Variants in CRACD observed in about 807,000 individuals in gnomAD.
CRACD encodes capping protein inhibiting regulator of actin dynamics.
CRACD carries 56 observed loss-of-function variants against 106.8 expected under a neutral mutation model. That is an observed-to-expected ratio of 0.52 (90% CI 0.42 to 0.66). The LOEUF is 0.66. CRACD is among the 30% of genes least tolerant of loss of function. The pLI is 0.00. For synonymous variants in CRACD, 754 were observed against 670.8 expected (o/e 1.12, Z -1.92); for missense variants, 1,730 against 1,623.2 (o/e 1.07, Z -1.13).
intron 3 of CRACD, among the ~76,000 whole-genome samples, chr4:56,293,731 C>A (rs1377588781): frequency 1.3e-5 from 2 of 152,164 alleles, no homozygotes; most frequent in East Asian, 3.8e-4. Flanking sequence ...AGAACTCACT[C>A]ACTACCATGA....
intron 1 of CRACD, among the ~76,000 whole-genome samples, chr4:56,177,497 C>A (rs1198970960): frequency 6.6e-6 from 1 of 151,742 alleles, no homozygotes; most frequent in Non-Finnish European, 1.5e-5. Context: ...TTTTTTATGT[C>A]TTTGGTTTTG....
intron 1 of CRACD, among the ~76,000 whole-genome samples, chr4:56,137,684 A>G (rs780198036): frequency 1.3e-5 from 2 of 152,250 alleles, no homozygotes; most frequent in Non-Finnish European, 2.9e-5. Flanking sequence ...ACAAGATTGT[A>G]GATTTAAAGC....
chr4:56,312,598 C>G (rs948883815), intron 6 of CRACD, among the ~76,000 whole-genome samples: 6 of 152,104 alleles, frequency 3.9e-5, no homozygotes, highest in African/African-American at 1.2e-4. Context: ...TAAAGGGTAC[C>G]CATACAAAGA....
chr4:56,221,778 G>GA (rs1349806572), intron 2 of CRACD, among the ~76,000 whole-genome samples: 1 of 152,086 alleles, frequency 6.6e-6, no homozygotes, highest in Non-Finnish European at 1.5e-5. Flanking sequence ...AGAAACATGT[G>GA]AAAAAAGGCC....
At chr4:56,133,288 G>A (rs11723545) in intron 1 of CRACD, among the ~76,000 whole-genome samples, 7,239 of 152,176 alleles carry the variant, frequency 0.048, 266 homozygotes, top group East Asian at 0.09. Flanking sequence ...AAACTCCAAC[G>A]GGCAATGTGT....
At chr4:56,054,021 T>C (rs1362831438) in intron 1 of CRACD, among the ~76,000 whole-genome samples, 4 of 152,202 alleles carry the variant, frequency 2.6e-5, no homozygotes, top group Admixed American at 2.0e-4. Context: ...TGCGTATTTA[T>C]TAATTCTGTC....
intron 10 of CRACD, 56 bp downstream of exon 10, chr4:56,324,322 C>T (rs1256277003): frequency 1.1e-4 from 175 of 1,534,452 alleles, no homozygotes; most frequent in Non-Finnish European, 1.5e-4. Flanking sequence ...CTTTGTAGAG[C>T]GTGCTTTATA....
chr4:56,262,470 C>T (rs1203861981), intron 2 of CRACD, among the ~76,000 whole-genome samples: 1 of 152,150 alleles, frequency 6.6e-6, no homozygotes, highest in Non-Finnish European at 1.5e-5. Context: ...GCAGCCAGCC[C>T]CACACAAATT....
Position 56,324,115 on chromosome 4 carries a change from C to T in CRACD, c.3390C>T (p.Ser1130=), listed in dbSNP as rs748235950. The change falls in exon 10 of 11, where the codon AGC becomes AGT. Residue 1130 remains serine, a synonymous_variant. Coordinates refer to ENST00000682029, the MANE Select transcript of CRACD (RefSeq NM_001393381.1). Reference sequence around the variant, plus strand: ...CTCTGCCCACGCAGGTCAGTGTCAGCGTGCAGCCTGGAAGCAGCAGTGTCA... The same window carrying T: ...CTCTGCCCACGCAGGTCAGTGTCAGTGTGCAGCCTGGAAGCAGCAGTGTCA... ...EKLSKENVSV[S]VQPGSSSVSR... 36 of 1,610,860 alleles carry T rather than the reference C, an allele frequency of 2.2e-5. No individual in the cohort carries two copies. The highest frequency in any genetic ancestry group is 3.4e-4 in the Middle Eastern group (2 of 5,892).
intron 2 of CRACD, among the ~76,000 whole-genome samples, chr4:56,189,958 A>G (rs1293476098): frequency 8.1e-6 from 1 of 123,376 alleles, no homozygotes; most frequent in East Asian, 3.0e-4. Context: ...TCCCAATGCT[A>G]ACCCTCCCCC....
At chr4:56,132,908 G>A (rs1734876782) in intron 1 of CRACD, among the ~76,000 whole-genome samples, 1 of 152,150 alleles carries the variant, frequency 6.6e-6, no homozygotes. Context: ...ATCATATAGT[G>A]CTACTTAGCT....
At chr4:56,164,381 G>T (rs1279021266) in intron 1 of CRACD, among the ~76,000 whole-genome samples, 2 of 150,790 alleles carry the variant, frequency 1.3e-5, no homozygotes, top group Non-Finnish European at 3.0e-5. Context: ...TGATCCACCT[G>T]CCTCGGCCTC....
rs1044487677 is a variant in CRACD at position 56,267,696 on chromosome 4, A to G, written c.-188-4625A>G. Among the ~76,000 whole-genome samples the G allele has an allele frequency of 1.8e-4, 28 of 152,292 alleles. No individual in the cohort carries two copies. The East Asian group carries it at 3.9e-3, about 21-fold the overall frequency. ...TTACTGTTCTTTCACCGTCCTGATAATAACTAAGGCATTGCTGAAACAGCG... is the reference window on the plus strand; with the variant it reads ...TTACTGTTCTTTCACCGTCCTGATAGTAACTAAGGCATTGCTGAAACAGCG... On this transcript the variant is annotated intron_variant, in intron 2 of 10. Coordinates refer to ENST00000682029, the MANE Select transcript of CRACD (RefSeq NM_001393381.1).
intron 1 of CRACD, among the ~76,000 whole-genome samples, chr4:56,055,552 C>T (rs1472407602): frequency 6.6e-6 from 1 of 152,110 alleles, no homozygotes; most frequent in Non-Finnish European, 1.5e-5. Context: ...GCTGTTAAGA[C>T]ACTGCTGGTG....
chr4:56,119,565 G>A (rs1372674953), intron 1 of CRACD, among the ~76,000 whole-genome samples: 4 of 151,810 alleles, frequency 2.6e-5, no homozygotes, highest in Non-Finnish European at 4.4e-5. Context: ...GAACTCCTGG[G>A]CTCAAGTGAT....
chr4:56,285,375 G>A (rs1039478559), intron 3 of CRACD, among the ~76,000 whole-genome samples: 2 of 152,132 alleles, frequency 1.3e-5, no homozygotes, highest in African/African-American at 4.8e-5. Flanking sequence ...ACCCAGTGAT[G>A]GTATTTGAGG....
intron 1 of CRACD, among the ~76,000 whole-genome samples, chr4:56,114,873 A>G (rs1734229633): frequency 6.6e-6 from 1 of 152,198 alleles, no homozygotes; most frequent in Non-Finnish European, 1.5e-5. Flanking sequence ...TTATAGTAAA[A>G]AATCTGAAAG....
In CRACD at chr4:56,315,372, T is replaced by G; in HGVS notation, c.1870T>G (p.Leu624Val). The change falls in exon 8 of 11, where the codon TTG (leucine) becomes GTG (valine). Residue 624 changes from leucine (L) to valine (V), a missense_variant. By Grantham distance (32) the Leu-to-Val change is conservative (BLOSUM62 1). Around this residue, in one of 5 missense-constraint regions of CRACD, gnomAD observed 1,620 missense variants for 1,481.6 expected, o/e 1.09. Transcript: ENST00000682029. This position sits in a 1 kb window ranked among gnomAD's most constrained non-coding sequence, Gnocchi z 4.1. The part of the protein sequence containing the change: ...KDTACKSLLG[L>V]EEKKHAEAPA... ...CACCGCGTGCAAGTCCCTCCTGGGC[T>G]TGGAGGAGAAGAAGCACGCGGAAGC... is the stretch of plus-strand genomic sequence containing the variant. 1 of 1,613,414 alleles carries G rather than the reference T, an allele frequency of 6.2e-7. No individual in the cohort carries two copies. Among genetic ancestry groups the G allele is most frequent in the Non-Finnish European group, 8.5e-7 (1 of 1,179,868 alleles).
intron 1 of CRACD, among the ~76,000 whole-genome samples, chr4:56,069,312 C>T (rs901555964): frequency 2.6e-5 from 4 of 152,136 alleles, no homozygotes; most frequent in African/African-American, 9.7e-5. Flanking sequence ...GACAAGTGAG[C>T]TTGGATTTCA....
Sources: allele counts gnomAD v4.1 joint callset (sites outside exome capture counted in the v4.1 genomes callset), GRCh38; gene constraint gnomAD v4.1.1; regional missense constraint gnomAD v4.1.1; non-coding constraint Gnocchi (gnomAD v3.1); transcripts MANE v1.5; gene names NCBI Gene and HGNC (gene_info 2026-07-23, HGNC 2026-07-21).